MAN2A2: variants seen among roughly 807,000 people sequenced by gnomAD.
MAN2A2 encodes alpha-mannosidase 2x.
A neutral mutation model predicts 126.8 loss-of-function variants in MAN2A2; 79 were observed. The ratio of observed to expected loss-of-function variants is 0.62; its 90% CI spans 0.52 to 0.75. The LOEUF (loss-of-function observed/expected upper bound fraction) is 0.75, where lower values mean the gene tolerates loss of function less well. Among genes scored for constraint, MAN2A2 ranks in the 30% least tolerant of loss-of-function variants. MAN2A2 has a pLI of 0.00. For missense variants in MAN2A2, 1,392 were observed against 1,522.4 expected (o/e 0.91, Z 1.43); for synonymous variants, 671 against 618.7 (o/e 1.08, Z -1.25).
At position 90,913,479 on chromosome 15, in the gene MAN2A2, C is replaced by CCCCCATCT; in HGVS notation, c.2718+75_2718+76insCCATCTCC. The CCCCCATCT allele has an allele frequency of 1.9e-6, 3 of 1,576,208 alleles. No individual in the cohort carries two copies. In the South Asian group the frequency reaches 3.4e-5, roughly 18 times the overall value. On this transcript the variant is annotated intron_variant, in intron 18 of 22. Transcript: ENST00000559717. Reference sequence around the variant, plus strand: ...ACTCTGCTTTTGCCCCTGTCACAGGCCCTGGGGGATGATCTGCCCTGATGG... The same window carrying CCCCCATCT: ...ACTCTGCTTTTGCCCCTGTCACAGGCCCCCATCTCCTGGGGGATGATCTGCCCTGATGG...
chr15:90,911,624 C>T, intron 14 of MAN2A2, 74 bp downstream of exon 14: 2 of 1,460,388 alleles, frequency 1.4e-6, no homozygotes, highest in South Asian at 1.3e-5. Flanking sequence ...CGACGCCAGC[C>T]TCCCACCCTC....
At chr15:90,915,443 A>T (rs1337365410) in intron 19 of MAN2A2, 1 of 152,266 alleles carries the variant, frequency 6.6e-6, no homozygotes, top group East Asian at 1.9e-4. Flanking sequence ...TCCCCAACAC[A>T]TCAGCCATGC....
At chr15:90,913,160 T>A in intron 17 of MAN2A2, 113 bp from the exon 18 acceptor site, 1 of 1,378,478 alleles carries the variant, frequency 7.3e-7, no homozygotes, top group Non-Finnish European at 1.0e-6. Context: ...TGGGGATTTC[T>A]TGGGAGGTTG....
chr15:90,902,910 C>T (rs1022882780), upstream of MAN2A2: 5 of 150,046 alleles, frequency 3.3e-5, no homozygotes, highest in African/African-American at 1.2e-4. Context: ...CCGCCGTCCC[C>T]GGGCGTGTGA....
chr15:90,916,397 A>G, intron 20 of MAN2A2, 141 bp downstream of exon 20: 1 of 1,237,906 alleles, frequency 8.1e-7, no homozygotes, highest in Non-Finnish European at 1.1e-6. Flanking sequence ...GGGTGGGGGG[A>G]GGCAGTCTGG....
chr15:90,913,813 C>T (rs2034966643), intron 19 of MAN2A2, 58 bp downstream of exon 19: 1 of 1,515,168 alleles, frequency 6.6e-7, no homozygotes, highest in Admixed American at 2.2e-5. Context: ...CCCGTCCCCA[C>T]CCTCAAGGGC....
chr15:90,908,077 TC>T (rs1372734263), intron 8 of MAN2A2, among the ~76,000 whole-genome samples: 2 of 152,198 alleles, frequency 1.3e-5, no homozygotes, highest in Admixed American at 1.3e-4. Context: ...CTCCCTGATG[TC>T]CAAGAGTTGA....
At chr15:90,910,048 G>A (rs762397683) in intron 9 of MAN2A2, 42 bp from the exon 10 acceptor site, 1 of 1,548,236 alleles carries the variant, frequency 6.5e-7, no homozygotes, top group Non-Finnish European at 8.7e-7. Flanking sequence ...ATTTGCAGGA[G>A]GCTCTAGAAC....
intron 5 of MAN2A2, 70 bp from the exon 6 acceptor site, chr15:90,906,300 T>C: frequency 1.3e-6 from 2 of 1,596,064 alleles, no homozygotes; most frequent in African/African-American, 1.3e-5. Context: ...ACACAGGCCC[T>C]GACATTTGCT....
At chr15:90,904,796 T>C (rs1442099782) in intron 2 of MAN2A2, among the ~76,000 whole-genome samples, 1 of 152,182 alleles carries the variant, frequency 6.6e-6, no homozygotes, top group African/African-American at 2.4e-5. Context: ...GGTATCGCCA[T>C]GTTGGCCAGG....
chr15:90,907,985 G>A (rs1022023831), intron 8 of MAN2A2, among the ~76,000 whole-genome samples: 2 of 152,250 alleles, frequency 1.3e-5, no homozygotes, highest in Non-Finnish European at 2.9e-5. Flanking sequence ...TGTTAGGTAA[G>A]AGTTGATCCA....
chr15:90,912,565 G>C lies in MAN2A2; in HGVS notation c.2370G>C (p.Glu790Asp). Reference sequence around the variant, plus strand: ...AGAGCATCCGAAGGGTGGATGAGGAGCACGAGCAGCAGGTGGACATGCAGG... The same window carrying C: ...AGAGCATCCGAAGGGTGGATGAGGACCACGAGCAGCAGGTGGACATGCAGG... ...LLKSIRRVDE[E>D]HEQQVDMQVL... Residue 790 changes from glutamate (E) to aspartate (D), a missense_variant, in exon 16 of 23, where the codon GAG becomes GAC. Physicochemically the swap from Glu to Asp is conservative, Grantham distance 45. Coordinates refer to ENST00000559717, the MANE Select transcript of MAN2A2 (RefSeq NM_006122.4). 1 of 1,614,072 alleles carries C rather than the reference G, an allele frequency of 6.2e-7. No homozygotes were observed.
In MAN2A2 at chr15:90,922,091, C is replaced by T. The variant is rs972095900; in HGVS notation, c.*2304C>T. On this transcript the variant is annotated 3_prime_UTR_variant, in exon 23 of 23. Coordinates refer to ENST00000559717, the MANE Select transcript of MAN2A2 (RefSeq NM_006122.4). The stretch of plus-strand genomic sequence containing the variant: ...AATAAGGGAAAAGATAAGCAGATTT[C>T]GCAACCAAAAAATATCGAAAGTCTC... 6.6e-6 allele frequency: 1 copy of T among 152,104 alleles called. No individual in the cohort carries two copies. Among genetic ancestry groups the T allele is most frequent in the African/African-American group, 2.4e-5 (1 of 41,404 alleles). The allele number at this position is 152,104 out of a possible 1,614,324, so 9.4% of individuals were successfully genotyped here.
Position 90,910,388 on chromosome 15 carries a change from C to T in MAN2A2, c.1577+96C>T, listed in dbSNP as rs1342122216. On this transcript the variant is annotated intron_variant, in intron 10 of 22. Transcript: ENST00000559717. ...TGGCTCAGAAGGGAATAGATAGGCC[C>T]AGAGGCCAGGGCAGGTAGAGGAGGG... 26 of 1,571,054 alleles carry T rather than the reference C, an allele frequency of 1.7e-5. No individual in the cohort carries two copies. In the East Asian group the frequency reaches 4.7e-4, roughly 29 times the overall value.
Position 90,919,701 on chromosome 15 carries a change from C to G in MAN2A2, c.3367C>G (p.Leu1123Val). 1 of 1,614,260 alleles carries G rather than the reference C, an allele frequency of 6.2e-7. No individual in the cohort carries two copies. The highest frequency in any genetic ancestry group is 1.7e-5 in the Admixed American group (1 of 60,032). Residue 1123 changes from leucine (L) to valine (V), a missense_variant, in exon 23 of 23, where the codon CTG becomes GTG. Physicochemically the swap from Leu to Val is conservative, Grantham distance 32 (BLOSUM62 1). Transcript: ENST00000559717. Reference protein sequence around the residue: ...VFLQPTSLTLLYPLASPSNST... With the variant: ...VFLQPTSLTLVYPLASPSNST... The stretch of plus-strand genomic sequence containing the variant: ...CCTTCAGCCAACCTCCTTGACGTTA[C>G]TGTACCCTCTGGCCTCCCCGTCCAA...
At position 90,906,493 on chromosome 15, in the gene MAN2A2, T is replaced by A; in HGVS notation, c.831T>A (p.Asn277Lys). Residue 277 changes from asparagine (N) to lysine (K), a missense_variant, in exon 6 of 23, where the codon AAT (asparagine) becomes AAA (lysine). Transcript: ENST00000559717. ...AAGGACACCAGTGGCTGGAGAGAAATCTTGGTAAGTCCAGGCCCAGGCATG... is the reference window on the plus strand; with the variant it reads ...AAGGACACCAGTGGCTGGAGAGAAAACTTGGTAAGTCCAGGCCCAGGCATG... ...LIEGHQWLER[N>K]LGATPRSGWA... 2 of 1,614,076 alleles carry A rather than the reference T, an allele frequency of 1.2e-6. No individual in the cohort carries two copies. Among genetic ancestry groups the A allele is most frequent in the Non-Finnish European group, 1.7e-6 (2 of 1,179,978 alleles).
chr15:90,921,792 G>A lies in MAN2A2; in HGVS notation c.*2005G>A, dbSNP rs775295029. On this transcript the variant is annotated 3_prime_UTR_variant, in exon 23 of 23. Coordinates refer to ENST00000559717, the MANE Select transcript of MAN2A2 (RefSeq NM_006122.4). Reference sequence around the variant, plus strand: ...AAACTAGCCAGGAATGGTGGCGCGCGCCTGTAATCCCAGTTACTTAGGAGG... The same window carrying A: ...AAACTAGCCAGGAATGGTGGCGCGCACCTGTAATCCCAGTTACTTAGGAGG... The A allele has an allele frequency of 3.3e-5, 5 of 152,096 alleles. No homozygotes were observed. The highest frequency in any genetic ancestry group is 2.1e-4 in the South Asian group (1 of 4,824). 9.4% of individuals were successfully genotyped at this position (152,096 alleles called of 1,614,324 possible). A position where few individuals can be genotyped will look rare whatever the true frequency, so the allele number is the denominator to read the frequency against.
rs775296068 is a variant in MAN2A2, at chr15:90,907,557, C to T, written c.1196+62C>T. The T allele has an allele frequency of 1.3e-4, 194 of 1,516,424 alleles. 4 individuals are homozygous for T. In the South Asian group the frequency reaches 1.8e-3, roughly 14 times the overall value. The allele number at this position is 1,516,424 out of a possible 1,614,324, so 93.9% of individuals were successfully genotyped here. ...CGGGAGGCCTGGCTCTGGTCTGGGC[C>T]GTGCCACGTGGAGGGTGGGCTCAGG... On this transcript the variant is annotated intron_variant, in intron 8 of 22. Transcript: ENST00000559717.
chr15:90,906,827 G>T lies in MAN2A2; in HGVS notation c.923G>T (p.Ser308Ile). The change falls in exon 7 of 23, where the codon AGC (serine) becomes ATC (isoleucine). Residue 308 changes from serine (S) to isoleucine (I), a missense_variant. Coordinates refer to ENST00000559717, the MANE Select transcript of MAN2A2 (RefSeq NM_006122.4). ...CTGCTGCGCCGTGCCAACCTCACCAGCATGCTGATTCAGAGAGTGCACTAT... is the reference window on the plus strand; with the variant it reads ...CTGCTGCGCCGTGCCAACCTCACCATCATGCTGATTCAGAGAGTGCACTAT... ...PYLLRRANLT[S>I]MLIQRVHYAI... is the part of the protein sequence containing the mutation. 6.2e-7 allele frequency: 1 copy of T among 1,614,092 alleles called. No individual in the cohort carries two copies. Among genetic ancestry groups the T allele is most frequent in the Non-Finnish European group, 8.5e-7 (1 of 1,179,998 alleles).
Sources: gnomAD v4.1 joint callset for allele counts (sites outside exome capture counted in the v4.1 genomes callset) on GRCh38, gnomAD v4.1.1 for gene constraint, MANE v1.5 for transcripts, NCBI Gene and HGNC (gene_info 2026-07-23, HGNC 2026-07-21) for gene names.